CPLX2: variants seen among roughly 807,000 people sequenced by gnomAD.
CPLX2 encodes the protein complexin 2.
Under a neutral mutation model 16.3 loss-of-function variants are expected in CPLX2, and 5 were observed. The observed-to-expected ratio is 0.31, with a 90% CI of 0.16 to 0.64. The LOEUF (loss-of-function observed/expected upper bound fraction) is 0.64, where lower values mean the gene tolerates loss of function less well. Ranked by LOEUF, CPLX2 falls within the 30% of genes least tolerant of loss-of-function variation. The pLI, the probability that CPLX2 is intolerant of heterozygous loss-of-function variation, is 0.79. For missense variants in CPLX2, 144 were observed against 181.4 expected (o/e 0.79, Z 1.18); for synonymous variants, 89 against 73.2 (o/e 1.22, Z -1.10).
At chr5:175,865,074 ACG>A (rs1759447299) in intron 2 of CPLX2, among the ~76,000 whole-genome samples, 1 of 108,352 alleles carries the variant, frequency 9.2e-6, no homozygotes, top group Non-Finnish European at 1.8e-5. Flanking sequence ...ACTCACATGC[ACG>A]CATGTGCGCG....
intron 2 of CPLX2, among the ~76,000 whole-genome samples, chr5:175,829,122 G>T (rs1277580789): frequency 1.3e-5 from 2 of 152,234 alleles, no homozygotes; most frequent in African/African-American, 2.4e-5. Flanking sequence ...TGAAGCGGAT[G>T]CAGACCCCAA....
chr5:175,859,684 T>A (rs762393589), intron 2 of CPLX2, among the ~76,000 whole-genome samples: 2 of 152,242 alleles, frequency 1.3e-5, no homozygotes, highest in South Asian at 4.1e-4. Context: ...GTGGATATGA[T>A]GTTTGGACTT....
chr5:175,871,425 GA>G (rs1759596694), upstream of CPLX2: 1 of 108,010 alleles, frequency 9.3e-6, no homozygotes, highest in East Asian at 2.7e-4. Context: ...GAGAGAGAGA[GA>G]GAGAGACAGA....
intron 1 of CPLX2, among the ~76,000 whole-genome samples, chr5:175,798,178 A>T (rs1371866006): frequency 1.3e-5 from 2 of 152,204 alleles, no homozygotes; most frequent in Admixed American, 1.3e-4. Context: ...ACCTTGGGCA[A>T]GTGACTGTCT....
Position 175,878,953 on chromosome 5 carries a change from AG to A in CPLX2, c.79del (p.Asp27ThrfsTer46), listed in dbSNP as rs1203123430. The A allele has an allele frequency of 6.2e-7, 1 of 1,611,694 alleles. No individual in the cohort carries two copies. The highest frequency in any genetic ancestry group is 8.5e-7 in the Non-Finnish European group (1 of 1,179,090). On this transcript the variant is annotated frameshift_variant, in exon 3 of 4. Transcript: ENST00000393745. LOFTEE classifies it high-confidence loss of function. ...MGKMLGGEEEKDPDAQKKEEE... is the reference protein window; with the variant it reads ...MGKMLGGEEEXDPDAQKKEEE... ...AAGATGCTGGGGGGAGAGGAGGAGAAGGACCCCGACGCGCAGAAAAAGGAGG... is the reference window on the plus strand; with the variant it reads ...AAGATGCTGGGGGGAGAGGAGGAGAAGACCCCGACGCGCAGAAAAAGGAGG...
intron 1 of CPLX2, among the ~76,000 whole-genome samples, chr5:175,797,313 C>T (rs1758004929): frequency 6.6e-6 from 1 of 152,156 alleles, no homozygotes; most frequent in African/African-American, 2.4e-5. Flanking sequence ...GGGCCTAGCA[C>T]AGCCGCGCGT....
chr5:175,798,177 A>G (rs1329838255), intron 1 of CPLX2, among the ~76,000 whole-genome samples: 2 of 152,208 alleles, frequency 1.3e-5, no homozygotes, highest in Non-Finnish European at 1.5e-5. Context: ...GACCTTGGGC[A>G]AGTGACTGTC....
chr5:175,854,620 C>T (rs1240438958), intron 2 of CPLX2, among the ~76,000 whole-genome samples: 1 of 152,118 alleles, frequency 6.6e-6, no homozygotes, highest in Non-Finnish European at 1.5e-5. Flanking sequence ...GTTATTAGCA[C>T]TACTCAAGGC....
At chr5:175,831,256 C>A (rs140630417) in intron 2 of CPLX2, among the ~76,000 whole-genome samples, 1 of 152,196 alleles carries the variant, frequency 6.6e-6, no homozygotes, top group Non-Finnish European at 1.5e-5. Flanking sequence ...AGAGCATTCG[C>A]TCTCTCCAGC....
At chr5:175,802,702 G>C (rs997913391) in intron 1 of CPLX2, among the ~76,000 whole-genome samples, 1 of 152,196 alleles carries the variant, frequency 6.6e-6, no homozygotes, top group Admixed American at 6.5e-5. Context: ...CTAGCTGGAC[G>C]ATCTTGAGCA....
chr5:175,806,196 CTT>C lies in CPLX2; in HGVS notation c.-168-2783_-168-2782del, dbSNP rs5873513. 5.4e-5 allele frequency among the ~76,000 whole-genome samples: 8 copies of C among 147,998 alleles called. No homozygotes were observed. The South Asian group carries it at 1.7e-3, about 31-fold the overall frequency. ...AAACTGGCTCTGACAACCCGCCAGT[CTT>C]TTTTTTTTTGGCCCTGAGGCTCCAG... On this transcript the variant is annotated intron_variant, in intron 1 of 4. Coordinates refer to the CPLX2 transcript ENST00000359546.
At chr5:175,841,873 G>A (rs1758950446) in intron 2 of CPLX2, among the ~76,000 whole-genome samples, 1 of 152,184 alleles carries the variant, frequency 6.6e-6, no homozygotes, top group African/African-American at 2.4e-5. Flanking sequence ...CACCTTGTAA[G>A]GTTTTAGTAA....
At chr5:175,827,745 G>T (rs1417176118) in intron 2 of CPLX2, among the ~76,000 whole-genome samples, 1 of 152,196 alleles carries the variant, frequency 6.6e-6, no homozygotes, top group African/African-American at 2.4e-5. Context: ...GAGTGACAGT[G>T]AGACTCCGTC....
chr5:175,805,208 T>C (rs751242967), intron 1 of CPLX2, among the ~76,000 whole-genome samples: 63 of 152,318 alleles, frequency 4.1e-4, no homozygotes, highest in Non-Finnish European at 8.7e-4. Context: ...AGCATTTCAG[T>C]TGACGCCATT....
chr5:175,870,894 G>A (rs1031980703), upstream of CPLX2, among the ~76,000 whole-genome samples: 1 of 152,142 alleles, frequency 6.6e-6, no homozygotes, highest in Non-Finnish European at 1.5e-5. Context: ...CCACTGCGAG[G>A]GTCTTGCCCA....
chr5:175,863,969 A>G (rs892526540), intron 2 of CPLX2, among the ~76,000 whole-genome samples: 2 of 152,172 alleles, frequency 1.3e-5, no homozygotes, highest in Non-Finnish European at 2.9e-5. Context: ...TACATGCAGG[A>G]AGATTATGAG....
intron 2 of CPLX2, among the ~76,000 whole-genome samples, chr5:175,826,079 CAG>C (rs1758609580): frequency 6.6e-6 from 1 of 151,348 alleles, no homozygotes; most frequent in South Asian, 2.1e-4. Context: ...TTGGTGCAGA[CAG>C]GGTGGGAGCA....
intron 2 of CPLX2, among the ~76,000 whole-genome samples, chr5:175,821,439 C>T (rs1475002902): frequency 2.0e-5 from 3 of 152,042 alleles, no homozygotes; most frequent in African/African-American, 7.2e-5. Context: ...TGGAGTTTCG[C>T]TGTCGTCACC....
At chr5:175,797,569 C>A (rs765623969) in intron 1 of CPLX2, among the ~76,000 whole-genome samples, 4 of 152,182 alleles carry the variant, frequency 2.6e-5, no homozygotes, top group Non-Finnish European at 5.9e-5. Context: ...CCGCGGCTGG[C>A]AGCTGCAATC....
Sources: gnomAD v4.1 joint callset for allele counts (sites outside exome capture counted in the v4.1 genomes callset) on GRCh38, gnomAD v4.1.1 for gene constraint, MANE v1.5 for transcripts, NCBI Gene and HGNC (gene_info 2026-07-23, HGNC 2026-07-21) for gene names.